ASIC2: variants seen among roughly 807,000 people sequenced by gnomAD.
The protein encoded by ASIC2 is acid-sensing ion channel 2.
Under a neutral mutation model 57.3 loss-of-function variants are expected in ASIC2, and 25 were observed. The observed-to-expected ratio is 0.44, with a 90% CI of 0.32 to 0.61. ASIC2 has a LOEUF of 0.61. Among genes scored for constraint, ASIC2 ranks in the 20% least tolerant of loss-of-function variants. ASIC2 has a pLI of 0.06. For missense variants in ASIC2, 641 were observed against 738.1 expected, an observed-to-expected ratio of 0.87 and a Z score of 1.52; for synonymous variants, 319 against 307.5, an observed-to-expected ratio of 1.04 and a Z score of -0.39.
chr17:33,693,300 GT>G (rs11351460), intron 1 of ASIC2, among the ~76,000 whole-genome samples: 3,709 of 152,250 alleles, frequency 0.024, 135 homozygotes, highest in African/African-American at 0.085. Context: ...CATTAAATTT[GT>G]AGATGAACTT....
chr17:33,233,524 A>G (rs1175384304), intron 1 of ASIC2, among the ~76,000 whole-genome samples: 13 of 18,958 alleles, frequency 6.9e-4, no homozygotes, highest in African/African-American at 1.7e-3. Flanking sequence ...TCACACACAC[A>G]CACACACACA....
intron 1 of ASIC2, among the ~76,000 whole-genome samples, chr17:33,876,804 T>A (rs1490716856): frequency 6.6e-6 from 1 of 152,186 alleles, no homozygotes; most frequent in Non-Finnish European, 1.5e-5. Flanking sequence ...CAGAACTGAT[T>A]CTACTGATTC....
intron 2 of ASIC2, among the ~76,000 whole-genome samples, chr17:33,110,988 A>C (rs560856967): frequency 6.6e-6 from 1 of 152,176 alleles, no homozygotes; most frequent in African/African-American, 2.4e-5. Context: ...CCTTAAATCC[A>C]TGGTTCCCAG....
chr17:33,714,265 A>C lies in ASIC2; in HGVS notation c.555+441713T>G, dbSNP rs141316318. Among the ~76,000 whole-genome samples the C allele has an allele frequency of 8.2e-4, 125 of 152,360 alleles. 2 individuals carry two copies. The highest frequency in any genetic ancestry group is 2.8e-3 in the African/African-American group (118 of 41,594). On this transcript the variant is annotated intron_variant, in intron 1 of 9. Transcript: ENST00000359872. ...TAAGGTACTCAATCAGTCCTAGAGA[A>C]ACTTACATAAAAGCATGCAATGAAG...
At chr17:34,151,235 TG>T (rs1272805303) in intron 1 of ASIC2, among the ~76,000 whole-genome samples, 5 of 152,110 alleles carry the variant, frequency 3.3e-5, no homozygotes, top group Non-Finnish European at 1.5e-5. Flanking sequence ...GTATTTCCTG[TG>T]GGCAGCCCCC....
At chr17:33,101,573 C>A (rs1397188284) in intron 2 of ASIC2, among the ~76,000 whole-genome samples, 2 of 152,164 alleles carry the variant, frequency 1.3e-5, no homozygotes, top group Non-Finnish European at 2.9e-5. Context: ...TAGATCCTGT[C>A]TACCCAATTT....
At chr17:33,470,754 A>C (rs1337272254) in intron 1 of ASIC2, among the ~76,000 whole-genome samples, 2 of 152,154 alleles carry the variant, frequency 1.3e-5, no homozygotes, top group African/African-American at 4.8e-5. Context: ...ACACCCAATC[A>C]CCTTGAAACT....
At chr17:33,203,428 C>G (rs1488351364) in intron 1 of ASIC2, among the ~76,000 whole-genome samples, 1 of 152,206 alleles carries the variant, frequency 6.6e-6, no homozygotes, top group Non-Finnish European at 1.5e-5. Context: ...TAAGAAGAAA[C>G]TGGACCTCTG....
intron 1 of ASIC2, among the ~76,000 whole-genome samples, chr17:33,192,095 G>C (rs1029557930): frequency 1.3e-5 from 2 of 152,010 alleles, no homozygotes; most frequent in African/African-American, 2.4e-5. Flanking sequence ...ATAAGCAGAA[G>C]CTATACATGG....
chr17:33,608,609 C>T (rs1160579471), intron 1 of ASIC2, among the ~76,000 whole-genome samples: 1 of 151,982 alleles, frequency 6.6e-6, no homozygotes, highest in East Asian at 1.9e-4. Flanking sequence ...CAGGATGATA[C>T]AGTGCTGGGA....
intron 1 of ASIC2, among the ~76,000 whole-genome samples, chr17:33,605,207 C>T (rs1290271866): frequency 4.6e-5 from 7 of 152,208 alleles, no homozygotes; most frequent in Admixed American, 1.3e-4. Context: ...CTGTGTCTGC[C>T]GGCATGGCAA....
At chr17:33,958,846 G>T (rs1047720741) in intron 1 of ASIC2, among the ~76,000 whole-genome samples, 1 of 152,106 alleles carries the variant, frequency 6.6e-6, no homozygotes, top group African/African-American at 2.4e-5. Context: ...TCTACTGCAT[G>T]GTCAGGCTGC....
intron 1 of ASIC2, among the ~76,000 whole-genome samples, chr17:33,510,083 T>C (rs1914385980): frequency 1.3e-5 from 2 of 152,204 alleles, no homozygotes; most frequent in South Asian, 2.1e-4. Context: ...TCTATCTGCA[T>C]GTGAGTCTGG....
intron 1 of ASIC2, among the ~76,000 whole-genome samples, chr17:33,790,362 T>C (rs1911734989): frequency 6.6e-6 from 1 of 152,190 alleles, no homozygotes; most frequent in East Asian, 1.9e-4. Flanking sequence ...AAAATTGTTT[T>C]CCTATGAAGA....
chr17:33,515,179 C>T (rs1418364401), intron 1 of ASIC2, among the ~76,000 whole-genome samples: 4 of 152,204 alleles, frequency 2.6e-5, no homozygotes, highest in African/African-American at 7.2e-5. Flanking sequence ...ATTGCTCCGT[C>T]GCTGTTCCTG....
chr17:33,085,634 T>C (rs1279053839), intron 3 of ASIC2, among the ~76,000 whole-genome samples: 6 of 152,250 alleles, frequency 3.9e-5, no homozygotes, highest in Non-Finnish European at 5.9e-5. Context: ...TCATAGTAGG[T>C]ATTCAGCAAA....
chr17:33,604,519 A>C (rs1327626020), intron 1 of ASIC2, among the ~76,000 whole-genome samples: 2 of 152,202 alleles, frequency 1.3e-5, no homozygotes, highest in African/African-American at 4.8e-5. Context: ...CATGGCAAAC[A>C]GTTGTGGAGC....
At chr17:33,460,136 G>A (rs1597735604) in intron 1 of ASIC2, among the ~76,000 whole-genome samples, 1 of 152,236 alleles carries the variant, frequency 6.6e-6, no homozygotes, top group African/African-American at 2.4e-5. Context: ...TCCTGACCTC[G>A]GTGTCCAGAT....
chr17:33,128,704 G>A (rs147695270), intron 1 of ASIC2, among the ~76,000 whole-genome samples: 18 of 152,318 alleles, frequency 1.2e-4, no homozygotes, highest in African/African-American at 4.1e-4. Context: ...CGGAACTGTG[G>A]GTGAGGTGCC....
Sources: allele counts gnomAD v4.1 joint callset (sites outside exome capture counted in the v4.1 genomes callset), GRCh38; gene constraint gnomAD v4.1.1; transcripts MANE v1.5; gene names NCBI Gene and HGNC (gene_info 2026-07-23, HGNC 2026-07-21).